EDIL3: variants seen among roughly 807,000 people sequenced by gnomAD.
EDIL3 encodes EGF like and discoidin domains 3, also known as EGF-like repeat and discoidin I-like domain-containing protein 3.
In EDIL3, 37 loss-of-function variants were observed where a neutral mutation model predicts 67.4. That is an observed-to-expected ratio of 0.55 (90% CI 0.42 to 0.72). The LOEUF is 0.72. Among genes scored for constraint, EDIL3 ranks in the 30% least tolerant of loss-of-function variants. EDIL3 has a pLI of 0.00. For synonymous variants in EDIL3, 195 were observed against 196.3 expected (o/e 0.99, Z 0.05); for missense variants, 527 against 586.3 (o/e 0.90, Z 1.04).
rs750778651 is a variant in EDIL3 at position 83,963,372 on chromosome 5, G to A, written c.1138-12C>T. On this transcript the variant is annotated splice_polypyrimidine_tract_variant and intron_variant, in intron 9 of 10. Transcript: ENST00000296591. ...ACAAGAAGATCCACCTTAAAAAAAAGAAAAATACAGGCTTTAAATGCGACA... is the reference window on the plus strand; with the variant it reads ...ACAAGAAGATCCACCTTAAAAAAAAAAAAAATACAGGCTTTAAATGCGACA... 2.5e-6 allele frequency: 4 copies of A among 1,585,416 alleles called. No individual in the cohort carries two copies. In the Admixed American group the frequency reaches 5.6e-5, roughly 22 times the overall value.
rs74630637 is a variant in EDIL3, at chr5:83,988,630, T to C, written c.1138-25270A>G. On this transcript the variant is annotated intron_variant, in intron 9 of 10. Transcript: ENST00000296591. ...CTGAGCTGTTTCTTCTACTGTAAAG[T>C]AGCCTTCATAACAACTGCCCCTGAC... Among the ~76,000 whole-genome samples the C allele has an allele frequency of 6.3e-3, 958 of 152,290 alleles. 7 individuals are homozygous for C. Among genetic ancestry groups the C allele is most frequent in the African/African-American group, 0.021 (893 of 41,572 alleles).
intron 1 of EDIL3, among the ~76,000 whole-genome samples, chr5:84,279,513 A>G (rs1745653225): frequency 6.6e-6 from 1 of 152,222 alleles, no homozygotes; most frequent in Non-Finnish European, 1.5e-5. Flanking sequence ...TTATGAACAG[A>G]TTATGCTATG....
chr5:83,983,796 G>C (rs915884472), intron 9 of EDIL3, among the ~76,000 whole-genome samples: 1 of 144,014 alleles, frequency 6.9e-6, no homozygotes, highest in Non-Finnish European at 1.5e-5. Flanking sequence ...TCAAGATAAA[G>C]AGCATGGAAG....
chr5:84,102,434 G>A (rs767143322), intron 6 of EDIL3, among the ~76,000 whole-genome samples: 9 of 151,610 alleles, frequency 5.9e-5, no homozygotes, highest in Non-Finnish European at 1.2e-4. Flanking sequence ...GTCTAGGCCC[G>A]AAGGATCTAG....
At chr5:84,099,387 C>G (rs1747320639) in intron 6 of EDIL3, among the ~76,000 whole-genome samples, 2 of 151,506 alleles carry the variant, frequency 1.3e-5, no homozygotes, top group African/African-American at 4.8e-5. Flanking sequence ...GATATATAGA[C>G]CAATGGAACA....
At chr5:84,205,663 T>G (rs1181642306) in intron 3 of EDIL3, among the ~76,000 whole-genome samples, 1 of 152,044 alleles carries the variant, frequency 6.6e-6, no homozygotes, top group Non-Finnish European at 1.5e-5. Context: ...GTCAAGGAAT[T>G]TATCCATTTC....
intron 9 of EDIL3, among the ~76,000 whole-genome samples, chr5:83,994,785 T>C (rs1011047399): frequency 2.6e-5 from 4 of 152,204 alleles, no homozygotes; most frequent in Non-Finnish European, 5.9e-5. Context: ...TTAAGGAAAC[T>C]TGTTTCCCAT....
At chr5:84,246,224 T>C (rs1744907062) in intron 2 of EDIL3, among the ~76,000 whole-genome samples, 1 of 152,216 alleles carries the variant, frequency 6.6e-6, no homozygotes, top group Admixed American at 6.5e-5. Context: ...TGAAATTGCA[T>C]ATATTCCCCT....
At chr5:84,239,543 C>G (rs1744755731) in intron 2 of EDIL3, among the ~76,000 whole-genome samples, 1 of 152,028 alleles carries the variant, frequency 6.6e-6, no homozygotes, top group Non-Finnish European at 1.5e-5. Context: ...TATTGCGGCA[C>G]TATTCACAAT....
chr5:84,078,686 TG>T (rs1032488101), intron 6 of EDIL3: 7 of 152,328 alleles, frequency 4.6e-5, no homozygotes, highest in African/African-American at 1.7e-4. Flanking sequence ...ACATCAGTGC[TG>T]GCAGGTGAGA....
intron 3 of EDIL3, among the ~76,000 whole-genome samples, chr5:84,204,605 A>G (rs1162431001): frequency 2.0e-5 from 3 of 152,078 alleles, no homozygotes; most frequent in Non-Finnish European, 4.4e-5. Context: ...GTATACATAC[A>G]ACCTGCCCAT....
chr5:84,354,842 T>A (rs1428753695), intron 1 of EDIL3, among the ~76,000 whole-genome samples: 3 of 151,714 alleles, frequency 2.0e-5, no homozygotes, highest in African/African-American at 7.3e-5. Context: ...AATTTCCTTA[T>A]AAGAATCATT....
chr5:84,206,313 G>A (rs1022361314), intron 3 of EDIL3, among the ~76,000 whole-genome samples: 3 of 152,034 alleles, frequency 2.0e-5, no homozygotes, highest in African/African-American at 4.8e-5. Flanking sequence ...TACATTTGCT[G>A]AGGAGAGCTT....
At position 84,176,712 on chromosome 5, in the gene EDIL3, T is replaced by C. The variant is rs1267132764; in HGVS notation, c.355+3681A>G. Among the ~76,000 whole-genome samples the C allele has an allele frequency of 1.9e-4, 28 of 150,702 alleles. 1 individual carries two copies. The highest frequency in any genetic ancestry group is 1.5e-5 in the Non-Finnish European group (1 of 67,830). ...GTAGACAATTTTGGTGCTCAATTCA[T>C]TCTATAATTTACACACACAGAGGTG... On this transcript the variant is annotated intron_variant, in intron 4 of 10. Coordinates refer to ENST00000296591, the MANE Select transcript of EDIL3 (RefSeq NM_005711.5).
intron 1 of EDIL3, among the ~76,000 whole-genome samples, chr5:84,382,642 A>G (rs1004248779): frequency 3.3e-5 from 5 of 152,180 alleles, no homozygotes; most frequent in African/African-American, 1.2e-4. Flanking sequence ...TAAGAGATCA[A>G]AGTGCAGAGG....
intron 3 of EDIL3, among the ~76,000 whole-genome samples, chr5:84,209,601 C>T (rs1259078678): frequency 2.0e-5 from 3 of 150,364 alleles, no homozygotes; most frequent in Non-Finnish European, 4.4e-5. Context: ...TATGTAGCTG[C>T]TAAATGAAAA....
At chr5:84,094,247 TAAAC>T (rs1390408863) in intron 6 of EDIL3, among the ~76,000 whole-genome samples, 1 of 152,144 alleles carries the variant, frequency 6.6e-6, no homozygotes, top group Non-Finnish European at 1.5e-5. Context: ...TCATTTCTAA[TAAAC>T]AATTCAAATA....
chr5:84,278,249 C>T (rs1745626981), intron 1 of EDIL3, among the ~76,000 whole-genome samples: 2 of 152,170 alleles, frequency 1.3e-5, no homozygotes, highest in African/African-American at 4.8e-5. Context: ...TACAGACTGT[C>T]TATTCCTCTC....
At chr5:84,257,597 T>C (rs1745144695) in intron 1 of EDIL3, among the ~76,000 whole-genome samples, 1 of 152,194 alleles carries the variant, frequency 6.6e-6, no homozygotes, top group Admixed American at 6.5e-5. Flanking sequence ...CCAGAGCTCC[T>C]GCCTGGATGA....
Sources: allele counts gnomAD v4.1 joint callset (sites outside exome capture counted in the v4.1 genomes callset), GRCh38; gene constraint gnomAD v4.1.1; transcripts MANE v1.5; gene names NCBI Gene and HGNC (gene_info 2026-07-23, HGNC 2026-07-21).